The following ZDHHC6 variants were observed in gnomAD, a reference collection of about 807,000 sequenced individuals.
ZDHHC6 encodes the protein palmitoyltransferase ZDHHC6.
A neutral mutation model predicts 57.8 loss-of-function variants in ZDHHC6; 32 were observed. That is an observed-to-expected ratio of 0.55 (90% confidence interval 0.42 to 0.74). The LOEUF is 0.74. Among genes scored for constraint, ZDHHC6 ranks in the 30% least tolerant of loss-of-function variants. The pLI, the probability that ZDHHC6 is intolerant of heterozygous loss-of-function variation, is 0.00. For missense variants in ZDHHC6, 433 were observed against 500.7 expected (o/e 0.86, Z 1.29); for synonymous variants, 128 against 158.0 (o/e 0.81, Z 1.42).
At position 112,433,372 on chromosome 10, in the gene ZDHHC6, C is replaced by G. The variant is rs1414732267; in HGVS notation, c.904-91G>C. 6.8e-6 allele frequency: 7 copies of G among 1,027,164 alleles called. No homozygotes were observed. In the East Asian group the frequency reaches 1.9e-4, roughly 28 times the overall value. 63.6% of individuals were successfully genotyped at this position (1,027,164 alleles called of 1,614,324 possible). ...CTCATCAACTGTCAGAGTGATATGG[C>G]AAAACCCCAATTTTCCAGCATTTCA... On this transcript the variant is annotated intron_variant, in intron 7 of 10. Coordinates refer to ENST00000369405, the MANE Select transcript of ZDHHC6 (RefSeq NM_022494.3).
intron 3 of ZDHHC6, among the ~76,000 whole-genome samples, chr10:112,442,721 C>G (rs1388580208): frequency 6.6e-6 from 1 of 152,124 alleles, no homozygotes; most frequent in African/African-American, 2.4e-5. Flanking sequence ...CCCAAGTGAC[C>G]TACAATAGAG....
At chr10:112,447,024 G>GGGCT, upstream of ZDHHC6, 1 of 283,994 alleles carries the variant, frequency 3.5e-6, no homozygotes, top group Non-Finnish European at 7.0e-6. Context: ...TGGATCCGGA[G>GGGCT]CCGATTCCCA....
intron 5 of ZDHHC6, 98 bp from the exon 6 acceptor site, chr10:112,438,487 C>A: frequency 3.1e-6 from 3 of 962,834 alleles, no homozygotes; most frequent in Non-Finnish European, 2.9e-6. Context: ...TTACTCCATT[C>A]CATAGACAAA....
In ZDHHC6 at chr10:112,432,364, C is replaced by A. The variant is rs372568595; in HGVS notation, c.1091+12G>T. On this transcript the variant is annotated intron_variant, in intron 9 of 10. Coordinates refer to ENST00000369405, the MANE Select transcript of ZDHHC6 (RefSeq NM_022494.3). ...TCCTTGAAGAAGAAATGCAGTACTTCCTATTACTTACCGTAAACCTCTTGT... is the reference window on the plus strand; with the variant it reads ...TCCTTGAAGAAGAAATGCAGTACTTACTATTACTTACCGTAAACCTCTTGT... 1.2e-6 allele frequency: 2 copies of A among 1,613,536 alleles called. No homozygotes were observed. Among genetic ancestry groups the A allele is most frequent in the African/African-American group, 2.7e-5 (2 of 74,886 alleles).
chr10:112,443,252 T>C (rs1462814267), intron 3 of ZDHHC6, among the ~76,000 whole-genome samples: 2 of 152,242 alleles, frequency 1.3e-5, no homozygotes, highest in Non-Finnish European at 2.9e-5. Flanking sequence ...CCTTTTTCCC[T>C]TGTTCTTGTA....
At chr10:112,424,540 A>G (rs528326774) in exon 12 of ZDHHC6, 1 of 152,366 alleles carries the variant, frequency 6.6e-6, no homozygotes, top group South Asian at 2.1e-4. Flanking sequence ...TAAGCAACAG[A>G]TATGTCCCCA....
At chr10:112,433,302 G>GA (rs11421522) in intron 7 of ZDHHC6, 21 bp from the exon 8 acceptor site, 212,730 of 1,540,924 alleles carry the variant, frequency 0.14, 15,728 homozygotes, top group Middle Eastern at 0.22. Context: ...GAAATAAAAA[G>GA]AAAAAAATGA....
intron 7 of ZDHHC6, 146 bp downstream of exon 7, chr10:112,434,151 A>G (rs1353605367): frequency 4.2e-6 from 3 of 712,642 alleles, no homozygotes; most frequent in Non-Finnish European, 6.5e-6. Context: ...TGATACAAGG[A>G]GTGCTTTAGA....
upstream of ZDHHC6, chr10:112,447,363 C>T: frequency 6.2e-7 from 1 of 1,612,156 alleles, no homozygotes; most frequent in Non-Finnish European, 8.5e-7. Context: ...GCTACTCGTT[C>T]CGGAGCCGCC....
chr10:112,434,332 G>C lies in ZDHHC6; in HGVS notation c.868C>G (p.Pro290Ala). The C allele has an allele frequency of 6.2e-7, 1 of 1,613,158 alleles. No individual in the cohort carries two copies. The highest frequency in any genetic ancestry group is 8.5e-7 in the Non-Finnish European group (1 of 1,179,540). Residue 290 changes from proline (P) to alanine (A), a missense_variant, in exon 7 of 11, where the codon CCA becomes GCA. By Grantham distance (27) the Pro-to-Ala change is conservative. Transcript: ENST00000369405. ...TATTGGTGACAGCCTTCTCTTACTG[G>C]CCACTCAAGTCCATCTCCTTCAGGG... Reference protein sequence around the residue: ...GVPEGDGLEWPVREGCHQYSL... With the variant: ...GVPEGDGLEWAVREGCHQYSL...
Position 112,432,523 on chromosome 10 carries a change from TGTC to T in ZDHHC6, c.946-5_946-3del, listed in dbSNP as rs758695221. ...ATCTTCTATTACTTTATAGCGAACCTGTCGTCAGTGATCAGAAGAAACCTTTAA... is the reference window on the plus strand; with the variant it reads ...ATCTTCTATTACTTTATAGCGAACCTGTCAGTGATCAGAAGAAACCTTTAA... On this transcript the variant is annotated splice_polypyrimidine_tract_variant and splice_region_variant and intron_variant, in intron 8 of 10. Transcript: ENST00000369405. 1.9e-5 allele frequency: 31 copies of T among 1,611,728 alleles called. No homozygotes were observed. In the East Asian group the frequency reaches 6.7e-4, roughly 35 times the overall value.
chr10:112,445,120 C>A (rs891934886), intron 2 of ZDHHC6, 50 bp downstream of exon 2: 26 of 1,566,286 alleles, frequency 1.7e-5, no homozygotes, highest in Non-Finnish European at 2.1e-5. Flanking sequence ...AGGCAAAAAC[C>A]AAATATACGA....
At chr10:112,425,854 CAAAA>C (rs141170549), downstream of ZDHHC6, among the ~76,000 whole-genome samples, 7,169 of 151,920 alleles carry the variant, frequency 0.047, 216 homozygotes, top group Middle Eastern at 0.079. Context: ...AAGCAACAAA[CAAAA>C]GTTTGATCAA....
At chr10:112,447,315 C>T (rs909782969), upstream of ZDHHC6, 3 of 1,558,706 alleles carry the variant, frequency 1.9e-6, no homozygotes, top group African/African-American at 1.4e-5. Flanking sequence ...CCCTCGCTGC[C>T]CCTCGAGGCC....
chr10:112,427,353 G>T (rs1181447724), downstream of ZDHHC6: 11 of 1,611,578 alleles, frequency 6.8e-6, no homozygotes, highest in Non-Finnish European at 8.5e-6. Context: ...GCACATCCAG[G>T]ATTAGGATAA....
Position 112,445,487 on chromosome 10 carries a change from T to C in ZDHHC6, c.-51A>G. On this transcript the variant is annotated 5_prime_UTR_variant, in exon 2 of 11. Coordinates refer to ENST00000369405, the MANE Select transcript of ZDHHC6 (RefSeq NM_022494.3). ...CTTTAAAAGAATTATAGATTTCCTT[T>C]TTCTGTGCGCACATTTCCATGTGCC... 6.3e-7 allele frequency: 1 copy of C among 1,581,792 alleles called. No homozygotes were observed. The highest frequency in any genetic ancestry group is 1.1e-5 in the South Asian group (1 of 87,574).
upstream of ZDHHC6, chr10:112,447,293 A>G: frequency 1.3e-6 from 2 of 1,494,322 alleles, no homozygotes; most frequent in South Asian, 2.4e-5. Context: ...CGGGGTTCCT[A>G]AGCCGCGGGG....
At chr10:112,429,984 G>T (rs933732372), downstream of ZDHHC6, among the ~76,000 whole-genome samples, 1 of 150,710 alleles carries the variant, frequency 6.6e-6, no homozygotes, top group Non-Finnish European at 1.5e-5. Context: ...GGGTGTGGGG[G>T]GGGTATTTCC....
upstream of ZDHHC6, chr10:112,447,531 C>A (rs999327791): frequency 3.2e-6 from 5 of 1,562,288 alleles, no homozygotes; most frequent in Non-Finnish European, 3.5e-6. Flanking sequence ...GGCGGTGGAA[C>A]GCCGCCCGAG....
Sources: gnomAD v4.1 joint callset for allele counts (sites outside exome capture counted in the v4.1 genomes callset) on GRCh38, gnomAD v4.1.1 for gene constraint, MANE v1.5 for transcripts, NCBI Gene and HGNC (gene_info 2026-07-23, HGNC 2026-07-21) for gene names.